PCDHGA8: variants seen among roughly 807,000 people sequenced by gnomAD.
PCDHGA8 encodes the protein protocadherin gamma-A8.
PCDHGA8 carries 45 observed loss-of-function variants against 59.2 expected under a neutral mutation model. That is an observed-to-expected ratio of 0.76 (90% confidence interval 0.60 to 0.98). The LOEUF is 0.98. Ranked by LOEUF, PCDHGA8 falls within the 50% of genes least tolerant of loss-of-function variation. The pLI, the probability that PCDHGA8 is intolerant of heterozygous loss-of-function variation, is 0.00. For synonymous variants in PCDHGA8, 531 were observed against 519.0 expected (o/e 1.02, Z -0.32); for missense variants, 1,257 against 1,196.2 (o/e 1.05, Z -0.75).
chr5:141,505,523 G>A, intron 3 of PCDHGA8, 42 bp downstream of exon 3: 1 of 1,612,760 alleles, frequency 6.2e-7, no homozygotes, highest in Middle Eastern at 1.7e-4. Flanking sequence ...GGGAGACCTG[G>A]GGTTCTGGGG....
chr5:141,467,769 G>A (rs573567102), intron 1 of PCDHGA8, among the ~76,000 whole-genome samples: 9 of 151,590 alleles, frequency 5.9e-5, no homozygotes, highest in East Asian at 3.9e-4. Flanking sequence ...TCAAGTGCCC[G>A]CACCTCAGCC....
In PCDHGA8 at chr5:141,394,893, G is replaced by T; in HGVS notation, c.2080G>T (p.Val694Leu). The T allele has an allele frequency of 4.3e-6, 7 of 1,613,858 alleles. No individual in the cohort carries two copies. The highest frequency in any genetic ancestry group is 5.9e-6 in the Non-Finnish European group (7 of 1,179,880). ...PNDSSLTLYL[V>L]VAVAAISCVF... ...CGATTCGAGCCTTACACTCTATCTC[G>T]TGGTGGCAGTGGCTGCCATCTCCTG... Residue 694 changes from valine (V) to leucine (L), a missense_variant, in exon 1 of 4, where the codon GTG becomes TTG. Transcript: ENST00000398604.
In PCDHGA8 at chr5:141,418,344, T is replaced by C. The variant is rs746519142; in HGVS notation, c.2424+23107T>C. On this transcript the variant is annotated intron_variant, in intron 1 of 3. Transcript: ENST00000398604. ...CTTGAGTCTGCAGAAGATCCTGATA[T>C]TAGTATGAATTCGCTGAGCAAATAC... 4.3e-6 allele frequency: 7 copies of C among 1,613,890 alleles called. No individual in the cohort carries two copies. The highest frequency in any genetic ancestry group is 2.2e-5 in the South Asian group (2 of 91,086).
chr5:141,405,319 GC>G, intron 1 of PCDHGA8: 1 of 1,614,176 alleles, frequency 6.2e-7, no homozygotes, highest in Non-Finnish European at 8.5e-7. Context: ...AGAAAAATGA[GC>G]CTTTGTGCGT....
Position 141,432,856 on chromosome 5 carries a change from G to A in PCDHGA8, c.2424+37619G>A, listed in dbSNP as rs773243805. 8.7e-6 allele frequency: 14 copies of A among 1,614,024 alleles called. No homozygotes were observed. The highest frequency in any genetic ancestry group is 1.3e-5 in the African/African-American group (1 of 74,908). ...TGTACCTGGTGGTAGCGGTGGCCGC[G>A]GTCTCCTGCGTCTTCCTGGCCTTCG... On this transcript the variant is annotated intron_variant, in intron 1 of 3. Coordinates refer to ENST00000398604, the MANE Select transcript of PCDHGA8 (RefSeq NM_032088.2). The surrounding 1 kb of genome is among the most constrained non-coding windows in gnomAD (Gnocchi z 6.0).
At chr5:141,478,723 A>C in intron 1 of PCDHGA8, 16 of 1,543,220 alleles carry the variant, frequency 1.0e-5, no homozygotes, top group Non-Finnish European at 1.3e-5. Flanking sequence ...GTGGCCTGCC[A>C]GAGTGTGGTT....
chr5:141,421,464 T>A lies in PCDHGA8; in HGVS notation c.2424+26227T>A, dbSNP rs773727821. ...GGAAGACACAGCTTTTCGCTGTGAA[T>A]CCGCGAAGCGGCAGCTTGATCACGG... On this transcript the variant is annotated intron_variant, in intron 1 of 3. Transcript: ENST00000398604. 17 of 1,613,972 alleles carry A rather than the reference T, an allele frequency of 1.1e-5. No individual in the cohort carries two copies. In the East Asian group the frequency reaches 3.6e-4, roughly 34 times the overall value.
chr5:141,417,905 G>A (rs1462731893), intron 1 of PCDHGA8: 1 of 1,593,646 alleles, frequency 6.3e-7, no homozygotes, highest in Admixed American at 1.8e-5. Flanking sequence ...CCCGCGGCAG[G>A]TACTATTTCC....
At chr5:141,478,675 G>T in intron 1 of PCDHGA8, 1 of 1,551,574 alleles carries the variant, frequency 6.4e-7, no homozygotes, top group Non-Finnish European at 8.7e-7. Flanking sequence ...ACTTTCAACT[G>T]GCCCTTCCTA....
In PCDHGA8 at chr5:141,476,516, G is replaced by T. The variant is rs1042414523; in HGVS notation, c.2425-18291G>T. 1 of 1,614,016 alleles carries T rather than the reference G, an allele frequency of 6.2e-7. No individual in the cohort carries two copies. The highest frequency in any genetic ancestry group is 8.5e-7 in the Non-Finnish European group (1 of 1,180,022). ...CCAGGACATCAACGACAACAATCCT[G>T]CTTTCCCTACCCAGGAAATGAAATT... On this transcript the variant is annotated intron_variant, in intron 1 of 3. Transcript: ENST00000398604. The surrounding 1 kb of genome is among the most constrained non-coding windows in gnomAD (Gnocchi z 7.6).
chr5:141,478,392 A>G, intron 1 of PCDHGA8: 1 of 1,613,560 alleles, frequency 6.2e-7, no homozygotes, highest in Non-Finnish European at 8.5e-7. Context: ...CTTTACCATC[A>G]GGTGTATCTC....
chr5:141,420,465 A>G, intron 1 of PCDHGA8: 1 of 807,604 alleles, frequency 1.2e-6, no homozygotes. Context: ...ATTCAAAGAC[A>G]TTTTAAAGCA....
rs112808093 is a variant in PCDHGA8, at chr5:141,489,579, C to T, written c.2425-5228C>T. On this transcript the variant is annotated intron_variant, in intron 1 of 3. Transcript: ENST00000398604. The surrounding 1 kb of genome is among the most constrained non-coding windows in gnomAD (Gnocchi z 4.5). ...CAGTGCAGGTGGTGACTGAACACCC[C>T]CTGGAGCTAATCCGTGTAGAGGTAG... is the stretch of plus-strand genomic sequence containing the variant. 211 of 1,614,038 alleles carry T rather than the reference C, an allele frequency of 1.3e-4. 1 individual carries two copies. In the African/African-American group the frequency reaches 1.7e-3, roughly 13 times the overall value.
chr5:141,403,213 G>A (rs1314899957), intron 1 of PCDHGA8: 1 of 1,613,970 alleles, frequency 6.2e-7, no homozygotes, highest in Non-Finnish European at 8.5e-7. Flanking sequence ...TGGTCACCGC[G>A]GGTAGGATAG....
At chr5:141,501,312 C>T (rs2099807672) in intron 2 of PCDHGA8, among the ~76,000 whole-genome samples, 1 of 151,778 alleles carries the variant, frequency 6.6e-6, no homozygotes, top group South Asian at 2.1e-4. Context: ...CACACACACA[C>T]ACACACACAC....
intron 1 of PCDHGA8, among the ~76,000 whole-genome samples, chr5:141,468,962 C>T (rs2099187487): frequency 6.7e-6 from 1 of 148,782 alleles, no homozygotes; most frequent in Non-Finnish European, 1.5e-5. Context: ...GTTTTTTTTA[C>T]CTTAGGCTTT....
intron 1 of PCDHGA8, chr5:141,402,822 C>G (rs1038768509): frequency 7.7e-7 from 1 of 1,302,260 alleles, no homozygotes; most frequent in African/African-American, 1.5e-5. Flanking sequence ...CAAACCTGCT[C>G]CCAGGCTGCA....
At chr5:141,414,481 C>T (rs1011579090) in intron 1 of PCDHGA8, 2 of 1,613,948 alleles carry the variant, frequency 1.2e-6, no homozygotes, top group Non-Finnish European at 1.7e-6. Context: ...AAGTCCTCCT[C>T]TATCAACGGA....
intron 1 of PCDHGA8, among the ~76,000 whole-genome samples, chr5:141,434,409 T>G (rs2097692930): frequency 6.6e-6 from 1 of 152,232 alleles, no homozygotes; most frequent in South Asian, 2.1e-4. Context: ...TCTGCAGCAC[T>G]GTGACATGTT....
Sources: gnomAD v4.1 joint callset for allele counts (sites outside exome capture counted in the v4.1 genomes callset) on GRCh38, gnomAD v4.1.1 for gene constraint, Gnocchi (gnomAD v3.1) non-coding constraint, MANE v1.5 for transcripts, NCBI Gene and HGNC (gene_info 2026-07-23, HGNC 2026-07-21) for gene names.